Variants in TENM3 observed in about 807,000 individuals in gnomAD.
TENM3 encodes the protein teneurin-3.
A neutral mutation model predicts 255.1 loss-of-function variants in TENM3; 63 were observed. That is an observed-to-expected ratio of 0.25 (90% CI 0.20 to 0.30). The LOEUF (loss-of-function observed/expected upper bound fraction) is 0.30, where lower values mean the gene tolerates loss of function less well. Ranked by LOEUF, TENM3 falls within the 10% of genes least tolerant of loss-of-function variation. The probability of loss-of-function intolerance (pLI) is 1.00; values close to 1 mark genes in which losing one functional copy is unlikely to be tolerated. For missense variants in TENM3, 2,929 were observed against 3,461.1 expected (o/e 0.85, Z 3.86); for synonymous variants, 1,306 against 1,322.3 (o/e 0.99, Z 0.27).
the TENM3 span, among the ~76,000 whole-genome samples, chr4:181,787,438 A>G: frequency 6.6e-6 from 1 of 151,562 alleles, no homozygotes; most frequent in East Asian, 1.9e-4. Flanking sequence ...TCCTTGGTTC[A>G]AGCAATTCCC....
chr4:182,314,394 T>C (rs1762633676), intron 1 of TENM3, among the ~76,000 whole-genome samples: 1 of 152,130 alleles, frequency 6.6e-6, no homozygotes, highest in Admixed American at 6.5e-5. Flanking sequence ...GCTGGTAGCA[T>C]TTATACATGT....
At chr4:182,682,682 A>C (rs1756269089) in intron 11 of TENM3, among the ~76,000 whole-genome samples, 1 of 152,168 alleles carries the variant, frequency 6.6e-6, no homozygotes, top group African/African-American at 2.4e-5. Context: ...ATAAGTATAC[A>C]TGCACATACT....
the TENM3 span, among the ~76,000 whole-genome samples, chr4:181,516,599 G>A: frequency 4.6e-5 from 7 of 151,878 alleles, no homozygotes; most frequent in South Asian, 6.3e-4. Flanking sequence ...TGACCAACAC[G>A]GAGAAACCCC....
chr4:182,753,781 AT>A (rs1762531414), intron 21 of TENM3, among the ~76,000 whole-genome samples, 177 bp downstream of exon 21: 1 of 152,230 alleles, frequency 6.6e-6, no homozygotes, highest in African/African-American at 2.4e-5. Context: ...TTCTTCTATA[AT>A]TCTACATTTG....
intron 3 of TENM3, among the ~76,000 whole-genome samples, chr4:182,397,321 A>G (rs1342218175): frequency 1.4e-5 from 2 of 146,092 alleles, no homozygotes; most frequent in Non-Finnish European, 3.0e-5. Context: ...GAATCACTTG[A>G]AACTGGGAGG....
chr4:182,610,695 C>A (rs1457718927), intron 4 of TENM3, among the ~76,000 whole-genome samples: 2 of 151,574 alleles, frequency 1.3e-5, no homozygotes, highest in South Asian at 4.2e-4. Flanking sequence ...TTTTTTTCTC[C>A]CAAAGAGCTG....
the TENM3 span, among the ~76,000 whole-genome samples, chr4:182,041,021 T>G: frequency 1.3e-5 from 2 of 152,170 alleles, no homozygotes; most frequent in African/African-American, 4.8e-5. Flanking sequence ...CATGCAAAAA[T>G]AGGAAACTCC....
the TENM3 span, among the ~76,000 whole-genome samples, chr4:181,528,085 AG>A: frequency 2.0e-5 from 3 of 151,894 alleles, no homozygotes; most frequent in Non-Finnish European, 4.4e-5. Flanking sequence ...GATTACCTTT[AG>A]GAAAAAAAAC....
At chr4:182,209,428 C>G (rs1460053647) in intron 1 of TENM3, among the ~76,000 whole-genome samples, 1 of 152,092 alleles carries the variant, frequency 6.6e-6, no homozygotes, top group Admixed American at 6.5e-5. Context: ...CCGTCCCCAC[C>G]ACTAGATCAA....
the TENM3 span, among the ~76,000 whole-genome samples, chr4:181,839,345 GTATATATATATA>G: frequency 5.6e-4 from 32 of 56,670 alleles, 1 homozygote; most frequent in South Asian, 1.6e-3. Flanking sequence ...TGTATTGAGG[GTATATATATATA>G]TATATATATA....
At chr4:182,249,446 T>A (rs1397028340) in intron 1 of TENM3, among the ~76,000 whole-genome samples, 1 of 152,230 alleles carries the variant, frequency 6.6e-6, no homozygotes, top group Non-Finnish European at 1.5e-5. Context: ...TCCATGCTGT[T>A]TTCGTACTAG....
the TENM3 span, among the ~76,000 whole-genome samples, chr4:181,807,167 C>T: frequency 5.9e-5 from 9 of 152,292 alleles, 1 homozygote; most frequent in South Asian, 1.9e-3. Flanking sequence ...ATGTATCTTT[C>T]CTCTTACTAG....
chr4:181,558,443 G>A, the TENM3 span, among the ~76,000 whole-genome samples: 538 of 152,320 alleles, frequency 3.5e-3, 2 homozygotes, highest in African/African-American at 0.012. Context: ...AATGTGGATC[G>A]TGACATGGGT....
intron 3 of TENM3, among the ~76,000 whole-genome samples, chr4:182,497,847 C>CATATATATATATATATAT (rs56170155): frequency 5.7e-4 from 77 of 135,610 alleles, no homozygotes; most frequent in African/African-American, 1.8e-3. Flanking sequence ...ACTAAAAATA[C>CATATATATATATATATAT]ATATATATAT....
intron 1 of TENM3, among the ~76,000 whole-genome samples, chr4:182,220,587 A>G (rs898166511): frequency 3.9e-5 from 6 of 152,060 alleles, no homozygotes; most frequent in African/African-American, 1.2e-4. Context: ...GGCCCTGTAG[A>G]TTGATAGGAA....
At chr4:181,921,937 A>G in the TENM3 span, among the ~76,000 whole-genome samples, 2,350 of 152,296 alleles carry the variant, frequency 0.015, 64 homozygotes, top group African/African-American at 0.053. Context: ...GAGAGTTTTT[A>G]GCATGAAAGT....
chr4:182,131,996 T>G, the TENM3 span, among the ~76,000 whole-genome samples: 3 of 151,062 alleles, frequency 2.0e-5, no homozygotes, highest in African/African-American at 7.3e-5. Flanking sequence ...GGCAAATGTT[T>G]ATCATCCCTG....
chr4:181,860,262 A>G, the TENM3 span, among the ~76,000 whole-genome samples: 164 of 152,344 alleles, frequency 1.1e-3, 4 homozygotes, highest in Non-Finnish European at 2.2e-4. Flanking sequence ...TGATTATTTC[A>G]GGCACAGGGC....
chr4:181,552,152 C>A, the TENM3 span, among the ~76,000 whole-genome samples: 4 of 151,910 alleles, frequency 2.6e-5, no homozygotes, highest in African/African-American at 9.7e-5. Context: ...AAATATATTT[C>A]AGTAAATATG....
Sources: gnomAD v4.1 joint callset for allele counts (sites outside exome capture counted in the v4.1 genomes callset) on GRCh38, gnomAD v4.1.1 for gene constraint, MANE v1.5 for transcripts, NCBI Gene and HGNC (gene_info 2026-07-23, HGNC 2026-07-21) for gene names.